FHAD1: variants seen among roughly 807,000 people sequenced by gnomAD.
FHAD1 encodes forkhead associated phosphopeptide binding domain 1, also known as forkhead-associated domain-containing protein 1.
Under a neutral mutation model 191.3 loss-of-function variants are expected in FHAD1, and 146 were observed. The ratio of observed to expected loss-of-function variants is 0.76; its 90% CI spans 0.67 to 0.88. The LOEUF is 0.88. FHAD1 is among the 40% of genes least tolerant of loss of function. The pLI, the probability that FHAD1 is intolerant of heterozygous loss-of-function variation, is 0.00. For synonymous variants in FHAD1, 616 were observed against 672.3 expected (o/e 0.92, Z 1.29); for missense variants, 1,635 against 1,785.8 (o/e 0.92, Z 1.52).
rs1697459430 is a variant in FHAD1, at chr1:15,369,370, G to A, written c.3315G>A (p.Arg1105=). The change falls in exon 26 of 34, where the codon AGG becomes AGA. Residue 1105 remains arginine, a splice_region_variant and synonymous_variant. Transcript: ENST00000688493. ...RELKALEEAL[R]ASQEKHRLQL... ...GCCATCCTCCTCTTCTCTACCCTAGGGCTTCCCAAGAGAAACACAGACTCC... is the reference window on the plus strand; with the variant it reads ...GCCATCCTCCTCTTCTCTACCCTAGAGCTTCCCAAGAGAAACACAGACTCC... 2 of 1,551,972 alleles carry A rather than the reference G, an allele frequency of 1.3e-6. No individual in the cohort carries two copies. Among genetic ancestry groups the A allele is most frequent in the Non-Finnish European group, 1.7e-6 (2 of 1,147,054 alleles).
Position 15,316,604 on chromosome 1 carries a change from G to A in FHAD1, c.1260+137G>A. On this transcript the variant is annotated intron_variant, in intron 9 of 33. Transcript: ENST00000688493. This position sits in a 1 kb window ranked among gnomAD's most constrained non-coding sequence, Gnocchi z 4.3. ...CTTGCTTGTTTAACATAGTCTCATT[G>A]CTCTTTGATCTGCTGCTTCTGCAAG... The A allele has an allele frequency of 1.3e-6, 1 of 756,494 alleles. No homozygotes were observed. The highest frequency in any genetic ancestry group is 2.1e-6 in the Non-Finnish European group (1 of 465,762). The allele number at this position is 756,494 out of a possible 1,614,324, so 46.9% of individuals were successfully genotyped here. A position where few individuals can be genotyped will look rare whatever the true frequency, so the allele number is the denominator to read the frequency against.
chr1:15,380,957 C>T (rs1388647869), intron 29 of FHAD1, among the ~76,000 whole-genome samples, 161 bp downstream of exon 29: 1 of 152,222 alleles, frequency 6.6e-6, no homozygotes, highest in Non-Finnish European at 1.5e-5. Flanking sequence ...TCAGGAATCA[C>T]ATAGCCAAAT....
chr1:15,325,732 G>C lies in FHAD1; in HGVS notation c.1473+1173G>C, dbSNP rs1456370856. The C allele has an allele frequency of 6.6e-6, 1 of 152,372 alleles. No homozygotes were observed. The highest frequency in any genetic ancestry group is 1.5e-5 in the Non-Finnish European group (1 of 68,162). 9.4% of individuals were successfully genotyped at this position (152,372 alleles called of 1,614,324 possible). A position where few individuals can be genotyped will look rare whatever the true frequency, so the allele number is the denominator to read the frequency against. On this transcript the variant is annotated intron_variant, in intron 11 of 33. Transcript: ENST00000688493. This position sits in a 1 kb window ranked among gnomAD's most constrained non-coding sequence, Gnocchi z 4.6. ...AAGGTTCTTGTTATAGCTCTGGGCA[G>C]AGGTCATCCAGGAGGAGCCCTGGAG...
At chr1:15,299,231 AAG>A in intron 5 of FHAD1, among the ~76,000 whole-genome samples, 1 of 151,234 alleles carries the variant, frequency 6.6e-6, no homozygotes, top group Non-Finnish European at 1.5e-5. Flanking sequence ...AAAAAAAAAA[AAG>A]AAAGAAAGAA....
Position 15,329,690 on chromosome 1 carries a change from G to T in FHAD1, c.1906+149G>T. The T allele has an allele frequency of 3.3e-6, 2 of 598,088 alleles. No individual in the cohort carries two copies. The highest frequency in any genetic ancestry group is 5.6e-6 in the Non-Finnish European group (2 of 357,228). 37.0% of individuals were successfully genotyped at this position (598,088 alleles called of 1,614,324 possible). On this transcript the variant is annotated intron_variant, in intron 14 of 33. Transcript: ENST00000688493. This position sits in a 1 kb window ranked among gnomAD's most constrained non-coding sequence, Gnocchi z 5.0. The stretch of plus-strand genomic sequence containing the variant: ...AGAACCCCCTGCTTCTCTGCTTGAG[G>T]CGTAATTTTCCATTAAAAAAAAAAA...
At chr1:15,367,152 A>G (rs757090636) in intron 24 of FHAD1, among the ~76,000 whole-genome samples, 2 of 152,156 alleles carry the variant, frequency 1.3e-5, no homozygotes, top group Admixed American at 6.6e-5. Flanking sequence ...TCTTAGTTGC[A>G]TGACCCCAAG....
chr1:15,301,264 A>G lies in FHAD1; in HGVS notation c.738A>G (p.Glu246=), dbSNP rs971005434. ...EVSRLSDYEI[E]SKYKDVIIAN... is the part of the protein sequence containing the mutation. ...GCCGTCTCTCAGATTATGAAATTGAATCCAAATACAAAGACGTCATAATAG... is the reference window on the plus strand; with the variant it reads ...GCCGTCTCTCAGATTATGAAATTGAGTCCAAATACAAAGACGTCATAATAG... The change falls in exon 6 of 34, where the codon GAA becomes GAG. Residue 246 remains glutamate (E), a synonymous_variant. Coordinates refer to ENST00000688493, the MANE Select transcript of FHAD1 (RefSeq NM_001391957.1). 9.7e-6 allele frequency: 15 copies of G among 1,551,758 alleles called. No individual in the cohort carries two copies. Among genetic ancestry groups the G allele is most frequent in the Non-Finnish European group, 1.2e-5 (14 of 1,146,998 alleles).
chr1:15,263,470 A>G (rs1228191164), intron 2 of FHAD1, among the ~76,000 whole-genome samples: 1 of 139,038 alleles, frequency 7.2e-6, no homozygotes, highest in Non-Finnish European at 1.6e-5. Context: ...ATTTTGAACT[A>G]ATTTTTGTTT....
intron 33 of FHAD1, among the ~76,000 whole-genome samples, chr1:15,391,861 C>T (rs1704140556): frequency 6.6e-6 from 1 of 152,190 alleles, no homozygotes; most frequent in African/African-American, 2.4e-5. Flanking sequence ...CCCAGGGTCC[C>T]CCTAGACCTG....
At chr1:15,399,705 CTT>C (rs1706985184), downstream of FHAD1, among the ~76,000 whole-genome samples, 1 of 152,156 alleles carries the variant, frequency 6.6e-6, no homozygotes, top group South Asian at 2.1e-4. Context: ...AGCTGAGAAT[CTT>C]GATGCAGTTC....
At chr1:15,324,745 T>G in intron 11 of FHAD1, 186 bp downstream of exon 11, 1 of 596,188 alleles carries the variant, frequency 1.7e-6, no homozygotes, top group Non-Finnish European at 3.0e-6. Flanking sequence ...TTAACAGGTT[T>G]CTGCTGCTGG....
At chr1:15,315,761 C>G (rs1164258286) in intron 8 of FHAD1, among the ~76,000 whole-genome samples, 1 of 152,122 alleles carries the variant, frequency 6.6e-6, no homozygotes, top group Admixed American at 6.5e-5. Context: ...GCTGGGATTA[C>G]AGGTGCAAGC....
At chr1:15,254,004 GT>G (rs1647103974) in intron 2 of FHAD1, among the ~76,000 whole-genome samples, 1 of 152,136 alleles carries the variant, frequency 6.6e-6, no homozygotes, top group Non-Finnish European at 1.5e-5. Context: ...TTTTCTAAGA[GT>G]TATAAACGCA....
intron 24 of FHAD1, among the ~76,000 whole-genome samples, chr1:15,367,257 A>G (rs1322108481): frequency 2.6e-5 from 4 of 152,116 alleles, no homozygotes; most frequent in Non-Finnish European, 5.9e-5. Context: ...GCACTTTGGG[A>G]GACTGAGGCG....
intron 15 of FHAD1, among the ~76,000 whole-genome samples, chr1:15,341,362 G>A (rs1053216192): frequency 6.6e-6 from 1 of 152,152 alleles, no homozygotes; most frequent in African/African-American, 2.4e-5. Flanking sequence ...ATGTTCAAGC[G>A]TCCTGGCTCC....
At position 15,292,797 on chromosome 1, in the gene FHAD1, C is replaced by T. The variant is rs193229135; in HGVS notation, c.568+3131C>T. Among the ~76,000 whole-genome samples the T allele has an allele frequency of 2.6e-4, 40 of 152,226 alleles. 1 individual carries two copies. The East Asian group carries it at 7.7e-3, about 29-fold the overall frequency. ...CACCTTGATCTTTCAACCTCTAAAA[C>T]TTGAAAAAATAAATTGGTGCAGTGG... On this transcript the variant is annotated intron_variant, in intron 4 of 33. Coordinates refer to ENST00000688493, the MANE Select transcript of FHAD1 (RefSeq NM_001391957.1).
At chr1:15,357,177 C>G (rs1041691515) in intron 20 of FHAD1, among the ~76,000 whole-genome samples, 13 of 152,174 alleles carry the variant, frequency 8.5e-5, no homozygotes, top group Admixed American at 7.2e-4. Context: ...CAGTTTGCAC[C>G]TCCACCAACA....
intron 20 of FHAD1, among the ~76,000 whole-genome samples, chr1:15,356,280 G>A (rs995723214): frequency 6.6e-6 from 1 of 152,258 alleles, no homozygotes; most frequent in African/African-American, 2.4e-5. Flanking sequence ...CCAAAGCAGG[G>A]AGGTGAAAGT....
At chr1:15,349,919 G>C (rs562363489) in intron 19 of FHAD1, among the ~76,000 whole-genome samples, 6 of 152,290 alleles carry the variant, frequency 3.9e-5, no homozygotes, top group African/African-American at 1.4e-4. Flanking sequence ...CCTCAGGTCA[G>C]CCTGGACACC....
Sources: gnomAD v4.1 joint callset for allele counts (sites outside exome capture counted in the v4.1 genomes callset) on GRCh38, gnomAD v4.1.1 for gene constraint, Gnocchi (gnomAD v3.1) non-coding constraint, MANE v1.5 for transcripts, NCBI Gene and HGNC (gene_info 2026-07-23, HGNC 2026-07-21) for gene names.